C12orf42: variants seen among roughly 807,000 people sequenced by gnomAD.
C12orf42 encodes uncharacterized protein C12orf42.
Under a neutral mutation model 21.6 loss-of-function variants are expected in C12orf42, and 25 were observed. The ratio of observed to expected loss-of-function variants is 1.16; its 90% CI spans 0.84 to 1.62. The LOEUF (loss-of-function observed/expected upper bound fraction) is 1.62, where lower values mean the gene tolerates loss of function less well. Ranked by LOEUF, C12orf42 falls within the 40% of genes most tolerant of loss-of-function variation. C12orf42 has a pLI of 0.00. For synonymous variants in C12orf42, 174 were observed against 175.0 expected (o/e 0.99, Z 0.05); for missense variants, 483 against 459.3 (o/e 1.05, Z -0.47).
chr12:103,515,411 T>C, the C12orf42 span, among the ~76,000 whole-genome samples: 2 of 152,234 alleles, frequency 1.3e-5, no homozygotes, highest in Non-Finnish European at 2.9e-5. Context: ...ATTGTTTTAA[T>C]ATGAAAATGT....
chr12:103,389,707 T>G (rs2046908762), intron 3 of C12orf42, among the ~76,000 whole-genome samples: 1 of 152,206 alleles, frequency 6.6e-6, no homozygotes, highest in Non-Finnish European at 1.5e-5. Flanking sequence ...AACGTTCTAC[T>G]CAGGGTAGAA....
intron 1 of C12orf42, among the ~76,000 whole-genome samples, chr12:103,495,376 C>T (rs1593034596): frequency 6.6e-6 from 1 of 152,076 alleles, no homozygotes; most frequent in African/African-American, 2.4e-5. Flanking sequence ...CAAGGCGGGG[C>T]GTGCCCTCCA....
chr12:103,519,614 C>A, the C12orf42 span, among the ~76,000 whole-genome samples: 1 of 152,078 alleles, frequency 6.6e-6, no homozygotes, highest in Admixed American at 6.5e-5. Context: ...AATAAGCAAA[C>A]AATAAATATC....
chr12:103,547,425 A>G, the C12orf42 span, among the ~76,000 whole-genome samples: 1 of 152,236 alleles, frequency 6.6e-6, no homozygotes, highest in Non-Finnish European at 1.5e-5. Context: ...TACCTGTACA[A>G]ATACAATCTT....
intron 3 of C12orf42, among the ~76,000 whole-genome samples, chr12:103,383,285 G>A (rs1337317432): frequency 1.3e-5 from 2 of 152,030 alleles, no homozygotes; most frequent in East Asian, 3.9e-4. Context: ...TGTATTTTTA[G>A]TAGAGACAGG....
chr12:103,273,855 A>T (rs1480004686), intron 5 of C12orf42: 1 of 456,274 alleles, frequency 2.2e-6, no homozygotes, highest in African/African-American at 2.0e-5. Context: ...ATGCACTCAC[A>T]GCAGGTCTCC....
chr12:103,080,298 T>A, the C12orf42 span, among the ~76,000 whole-genome samples: 1 of 152,216 alleles, frequency 6.6e-6, no homozygotes, highest in Non-Finnish European at 1.5e-5. Flanking sequence ...GACATAGTTA[T>A]GGCTATGCAG....
At chr12:103,177,509 G>A in the C12orf42 span, among the ~76,000 whole-genome samples, 1 of 152,124 alleles carries the variant, frequency 6.6e-6, no homozygotes. Flanking sequence ...ATAATTTTTT[G>A]AGACAAAGCT....
chr12:103,245,318 C>T (rs909825649), intron 10 of C12orf42, among the ~76,000 whole-genome samples: 2 of 152,040 alleles, frequency 1.3e-5, no homozygotes, highest in African/African-American at 4.8e-5. Flanking sequence ...GTTCTCTTAC[C>T]TGTACAATGG....
At chr12:103,228,708 G>A in the C12orf42 span, among the ~76,000 whole-genome samples, 10 of 151,924 alleles carry the variant, frequency 6.6e-5, no homozygotes, top group African/African-American at 2.4e-4. Flanking sequence ...TATTTCCCTT[G>A]TACTGAGTAT....
At chr12:103,553,116 G>C in the C12orf42 span, among the ~76,000 whole-genome samples, 1 of 152,192 alleles carries the variant, frequency 6.6e-6, no homozygotes, top group Non-Finnish European at 1.5e-5. Context: ...TTGTCGCGGG[G>C]GCTGTCCTGT....
chr12:103,098,345 T>C, the C12orf42 span, among the ~76,000 whole-genome samples: 4 of 152,134 alleles, frequency 2.6e-5, no homozygotes, highest in Non-Finnish European at 5.9e-5. Context: ...AAGACTTACC[T>C]CATAAAATCC....
chr12:103,145,640 G>GA, the C12orf42 span, among the ~76,000 whole-genome samples: 1 of 151,950 alleles, frequency 6.6e-6, no homozygotes, highest in African/African-American at 2.4e-5. Flanking sequence ...GCCATAAAGG[G>GA]AAAAAATAGT....
chr12:103,336,296 A>T (rs2041684493), intron 4 of C12orf42, among the ~76,000 whole-genome samples: 1 of 152,186 alleles, frequency 6.6e-6, no homozygotes, highest in Non-Finnish European at 1.5e-5. Flanking sequence ...ATTTCAGAAG[A>T]TATAGGCTTC....
chr12:103,067,036 T>A, the C12orf42 span, among the ~76,000 whole-genome samples: 1 of 152,194 alleles, frequency 6.6e-6, no homozygotes, highest in African/African-American at 2.4e-5. Context: ...CTACGACCAC[T>A]GCTGAGTGCC....
In C12orf42 at chr12:103,452,098, T is replaced by C. The variant is rs1368255002; in HGVS notation, c.78+26251A>G. ...TTATCCAAGCTCACTGATAGGTCTGTGCTTAACAGATAAATCAGCTGAGGA... is the reference window on the plus strand; with the variant it reads ...TTATCCAAGCTCACTGATAGGTCTGCGCTTAACAGATAAATCAGCTGAGGA... On this transcript the variant is annotated intron_variant, in intron 2 of 5. Transcript: ENST00000548883. Among the ~76,000 whole-genome samples, 3 of 151,946 alleles carry C rather than the reference T, an allele frequency of 2.0e-5. No homozygotes were observed. In the East Asian group the frequency reaches 5.8e-4, roughly 29 times the overall value.
the C12orf42 span, among the ~76,000 whole-genome samples, chr12:103,197,817 A>G: frequency 6.6e-6 from 1 of 151,948 alleles, no homozygotes; most frequent in East Asian, 1.9e-4. Context: ...TTTCTGGATG[A>G]CTTCAGTGAG....
At chr12:103,140,882 C>A in the C12orf42 span, among the ~76,000 whole-genome samples, 1 of 152,138 alleles carries the variant, frequency 6.6e-6, no homozygotes, top group African/African-American at 2.4e-5. Flanking sequence ...GCATTGCACA[C>A]AGACATGCAA....
chr12:103,336,213 T>C (rs1385288603), intron 4 of C12orf42, among the ~76,000 whole-genome samples: 5 of 152,228 alleles, frequency 3.3e-5, no homozygotes, highest in Non-Finnish European at 7.3e-5. Flanking sequence ...CATCTTTAAT[T>C]TCATCTAATT....
Sources: allele counts gnomAD v4.1 joint callset (sites outside exome capture counted in the v4.1 genomes callset), GRCh38; gene constraint gnomAD v4.1.1; transcripts MANE v1.5; gene names NCBI Gene and HGNC (gene_info 2026-07-23, HGNC 2026-07-21).